Variants in RAB38 observed in about 807,000 individuals in gnomAD.
RAB38 encodes ras-related protein Rab-38.
A neutral mutation model predicts 18.4 loss-of-function variants in RAB38; 15 were observed. That is an observed-to-expected ratio of 0.82 (90% confidence interval 0.55 to 1.26). The LOEUF is 1.26. RAB38 is among the 50% of genes most tolerant of loss of function. The probability of loss-of-function intolerance (pLI) is 0.00; values close to 1 mark genes in which losing one functional copy is unlikely to be tolerated. For synonymous variants in RAB38, 101 were observed against 104.4 expected (o/e 0.97, Z 0.20); for missense variants, 294 against 267.4 (o/e 1.10, Z -0.69).
chr11:87,873,585 T>A, the RAB38 span, among the ~76,000 whole-genome samples: 11 of 151,568 alleles, frequency 7.3e-5, no homozygotes, highest in Non-Finnish European at 1.5e-4. Context: ...GTTTCATAAC[T>A]TTGCATTTAC....
intron 1 of RAB38, among the ~76,000 whole-genome samples, chr11:88,161,904 C>G (rs957206379): frequency 2.0e-5 from 3 of 151,978 alleles, no homozygotes; most frequent in Non-Finnish European, 4.4e-5. Flanking sequence ...CATCAGTAGA[C>G]CTAAGAGTGA....
the RAB38 span, among the ~76,000 whole-genome samples, chr11:87,853,466 G>C: frequency 1.3e-5 from 2 of 152,170 alleles, no homozygotes; most frequent in Admixed American, 1.3e-4. Flanking sequence ...TAAATGTGCT[G>C]GCGCCTTGGT....
chr11:88,094,744 T>C, the RAB38 span, among the ~76,000 whole-genome samples: 2 of 151,990 alleles, frequency 1.3e-5, no homozygotes, highest in Non-Finnish European at 2.9e-5. Context: ...GGCAGAACTA[T>C]ACTTTTTGAT....
chr11:87,949,776 C>T, the RAB38 span, among the ~76,000 whole-genome samples: 2 of 152,122 alleles, frequency 1.3e-5, no homozygotes, highest in African/African-American at 2.4e-5. Context: ...AATTTTTGTT[C>T]TTTTACATTT....
At chr11:87,837,984 A>T in the RAB38 span, among the ~76,000 whole-genome samples, 22 of 152,068 alleles carry the variant, frequency 1.4e-4, no homozygotes, top group Non-Finnish European at 2.6e-4. Flanking sequence ...TCAGAGTTTA[A>T]CTCTTAATAA....
chr11:87,833,274 G>A, the RAB38 span, among the ~76,000 whole-genome samples: 37,498 of 151,882 alleles, frequency 0.25, 5,901 homozygotes, highest in African/African-American at 0.44. Flanking sequence ...CACTTCATCA[G>A]GCTGAAGTAA....
the RAB38 span, among the ~76,000 whole-genome samples, chr11:87,894,891 T>C: frequency 6.6e-6 from 1 of 151,508 alleles, no homozygotes; most frequent in Admixed American, 6.6e-5. Context: ...TACAGATATA[T>C]TGAATTTATT....
At chr11:87,876,726 C>A in the RAB38 span, among the ~76,000 whole-genome samples, 40 of 151,442 alleles carry the variant, frequency 2.6e-4, no homozygotes, top group Non-Finnish European at 5.6e-4. Context: ...TTATGAAATT[C>A]TAGTGAGGCC....
the RAB38 span, among the ~76,000 whole-genome samples, chr11:88,089,420 G>A: frequency 0.045 from 6,822 of 151,926 alleles, 199 homozygotes; most frequent in African/African-American, 0.088. Flanking sequence ...CTCATGTCAG[G>A]GGCAGATTGA....
chr11:88,122,663 G>C (rs1197834674), intron 2 of RAB38, among the ~76,000 whole-genome samples: 2 of 152,242 alleles, frequency 1.3e-5, no homozygotes, highest in Non-Finnish European at 2.9e-5. Flanking sequence ...CAGATGAGGA[G>C]ACTGAGACAC....
the RAB38 span, among the ~76,000 whole-genome samples, chr11:88,047,037 G>A: frequency 6.6e-6 from 1 of 152,124 alleles, no homozygotes; most frequent in Non-Finnish European, 1.5e-5. Flanking sequence ...CCTCAATTCT[G>A]CGTGCAGCCG....
chr11:87,911,700 T>A, the RAB38 span, among the ~76,000 whole-genome samples: 1 of 152,000 alleles, frequency 6.6e-6, no homozygotes, highest in Admixed American at 6.6e-5. Context: ...AATATGGATG[T>A]CATTTATTTC....
chr11:87,930,387 C>A, the RAB38 span, among the ~76,000 whole-genome samples: 3 of 152,060 alleles, frequency 2.0e-5, no homozygotes, highest in African/African-American at 4.8e-5. Context: ...CTGTTCATAT[C>A]CTTCGCCCAC....
the RAB38 span, among the ~76,000 whole-genome samples, chr11:87,944,381 A>G: frequency 6.6e-6 from 1 of 152,260 alleles, no homozygotes; most frequent in South Asian, 2.1e-4. Flanking sequence ...GATTTACACA[A>G]TGCCAACCCA....
At chr11:87,913,385 G>A in the RAB38 span, among the ~76,000 whole-genome samples, 5 of 152,056 alleles carry the variant, frequency 3.3e-5, no homozygotes, top group Admixed American at 6.6e-5. Context: ...TTGAAGTTCT[G>A]TTATTAGGTG....
At chr11:87,951,179 G>A in the RAB38 span, among the ~76,000 whole-genome samples, 97 of 151,990 alleles carry the variant, frequency 6.4e-4, no homozygotes, top group African/African-American at 2.1e-3. Flanking sequence ...TGATCGCATC[G>A]GCTCCTGAGG....
At chr11:88,171,811 A>G (rs1943314622) in intron 1 of RAB38, among the ~76,000 whole-genome samples, 1 of 152,216 alleles carries the variant, frequency 6.6e-6, no homozygotes. Flanking sequence ...TTGGAGAGTA[A>G]TAAAAAAGTG....
At chr11:88,029,655 G>A in the RAB38 span, among the ~76,000 whole-genome samples, 3 of 152,192 alleles carry the variant, frequency 2.0e-5, no homozygotes, top group East Asian at 3.9e-4. Flanking sequence ...AATGGTAAAG[G>A]CATCAATTCA....
At chr11:87,896,213 T>G in the RAB38 span, among the ~76,000 whole-genome samples, 1 of 151,652 alleles carries the variant, frequency 6.6e-6, no homozygotes, top group Non-Finnish European at 1.5e-5. Context: ...ATAGCCAAAT[T>G]GCAAGCCCCC....
Sources: gnomAD v4.1 joint callset for allele counts (sites outside exome capture counted in the v4.1 genomes callset) on GRCh38, gnomAD v4.1.1 for gene constraint, MANE v1.5 for transcripts, NCBI Gene and HGNC (gene_info 2026-07-23, HGNC 2026-07-21) for gene names.